PCK2: variants seen among roughly 807,000 people sequenced by gnomAD.
PCK2 encodes the protein phosphoenolpyruvate carboxykinase [GTP], mitochondrial.
Under a neutral mutation model 65.9 loss-of-function variants are expected in PCK2, and 56 were observed. The observed-to-expected ratio is 0.85, with a 90% CI of 0.69 to 1.06. The LOEUF (loss-of-function observed/expected upper bound fraction) is 1.06, where lower values mean the gene tolerates loss of function less well. Ranked by LOEUF, PCK2 falls within the 50% of genes least tolerant of loss-of-function variation. PCK2 has a pLI of 0.00. For missense variants in PCK2, 843 were observed against 863.1 expected, an observed-to-expected ratio of 0.98 and a Z score of 0.29; for synonymous variants, 305 against 319.6, an observed-to-expected ratio of 0.95 and a Z score of 0.49.
chr14:24,102,184 C>A (rs1336243231), intron 7 of PCK2, among the ~76,000 whole-genome samples: 1 of 152,150 alleles, frequency 6.6e-6, no homozygotes, highest in African/African-American at 2.4e-5. Flanking sequence ...GCCAAGATTG[C>A]ACCACTGCAC....
At position 24,099,071 on chromosome 14, in the gene PCK2, G is replaced by A. The variant is rs115420219; in HGVS notation, c.687G>A (p.Pro229=). ...TGQGEPVSQW[P]CNPEKTLIGH... ...CAGGGGAGCCAGTGAGCCAGTGGCC[G>A]TGCAACCCAGAGAAAACCCTGATTG... Residue 229 remains proline, a synonymous_variant, in exon 5 of 10, where the codon CCG becomes CCA. Transcript: ENST00000216780. The A allele has an allele frequency of 8.7e-6, 14 of 1,605,770 alleles. No individual in the cohort carries two copies. The highest frequency in any genetic ancestry group is 3.3e-5 in the South Asian group (3 of 90,952).
intron 8 of PCK2, 64 bp from the exon 9 acceptor site, chr14:24,103,096 A>T: frequency 7.3e-7 from 1 of 1,361,448 alleles, no homozygotes. Context: ...CAAGCTCACC[A>T]GAAGGGCTGG....
chr14:24,103,957 A>G lies in PCK2; in HGVS notation c.1916A>G (p.Lys639Arg), dbSNP rs758763224. 6.8e-6 allele frequency: 11 copies of G among 1,612,632 alleles called. No homozygotes were observed. Among genetic ancestry groups the G allele is most frequent in the Non-Finnish European group, 9.3e-6 (11 of 1,178,880 alleles). Reference sequence around the variant, plus strand: ...GAGGCCCTGGAGAGACGTGTGCACAAAATGTGACCTGAGGCCCTAGTCTAG... The same window carrying G: ...GAGGCCCTGGAGAGACGTGTGCACAGAATGTGACCTGAGGCCCTAGTCTAG... ...ELEALERRVH[K>R]M Residue 639 changes from lysine (K) to arginine (R), a missense_variant, in exon 10 of 10, where the codon AAA becomes AGA. By Grantham distance (26) the Lys-to-Arg change is conservative. Coordinates refer to ENST00000216780, the MANE Select transcript of PCK2 (RefSeq NM_004563.4).
Position 24,099,449 on chromosome 14 carries a change from G to A in PCK2, c.853-109G>A, listed in dbSNP as rs1427395851. Reference sequence around the variant, plus strand: ...TGATGGCAGGGCAATCACTTATATAGTTAATAAACATTGGTCCTCCCTATT... The same window carrying A: ...TGATGGCAGGGCAATCACTTATATAATTAATAAACATTGGTCCTCCCTATT... On this transcript the variant is annotated intron_variant, in intron 5 of 9. Transcript: ENST00000216780. The A allele has an allele frequency of 8.8e-6, 10 of 1,133,652 alleles. No individual in the cohort carries two copies. The South Asian group carries it at 1.1e-4, about 12-fold the overall frequency. The allele number at this position is 1,133,652 out of a possible 1,614,324, so 70.2% of individuals were successfully genotyped here.
At position 24,099,605 on chromosome 14, in the gene PCK2, C is replaced by T. The variant is rs764808367; in HGVS notation, c.900C>T (p.Ala300=). Residue 300 remains alanine, a synonymous_variant, in exon 6 of 10, where the codon GCC becomes GCT. Transcript: ENST00000216780. ...CAGGGAAGAAGCGCTATGTGGCAGC[C>T]GCCTTCCCTAGTGCCTGTGGCAAGA... ...SPAGKKRYVA[A]AFPSACGKTN... The T allele has an allele frequency of 1.2e-5, 20 of 1,612,692 alleles. No individual in the cohort carries two copies. In the East Asian group the frequency reaches 2.2e-4, roughly 18 times the overall value.
In PCK2 at chr14:24,100,053, T is replaced by G; in HGVS notation, c.1074T>G (p.Ser358=). 3.1e-6 allele frequency: 5 copies of G among 1,613,680 alleles called. No homozygotes were observed. Among genetic ancestry groups the G allele is most frequent in the South Asian group, 1.1e-5 (1 of 91,006 alleles). ...TCTTTGGGGTTGCCCCTGGTACCTC[T>G]GCCACCACCAATCCCAACGCCATGG... ...NGFFGVAPGT[S]ATTNPNAMAT... The change falls in exon 7 of 10, where the codon TCT becomes TCG. Residue 358 remains serine (S), a synonymous_variant. Coordinates refer to ENST00000216780, the MANE Select transcript of PCK2 (RefSeq NM_004563.4).
Position 24,094,477 on chromosome 14 carries a change from C to A in PCK2, c.29+43C>A. The A allele has an allele frequency of 6.7e-7, 1 of 1,494,820 alleles. No individual in the cohort carries two copies. The highest frequency in any genetic ancestry group is 8.9e-7 in the Non-Finnish European group (1 of 1,129,440). 92.6% of individuals were successfully genotyped at this position (1,494,820 alleles called of 1,614,324 possible). A position where few individuals can be genotyped will look rare whatever the true frequency, so the allele number is the denominator to read the frequency against. On this transcript the variant is annotated intron_variant, in intron 1 of 9. Transcript: ENST00000216780. The surrounding 1 kb of genome is among the most constrained non-coding windows in gnomAD (Gnocchi z 4.1). ...CGGGGCCCACCCGCACCTTCCGCTGCGCTCGCCCCCTCGGGGCTGCCAGTG... is the reference window on the plus strand; with the variant it reads ...CGGGGCCCACCCGCACCTTCCGCTGAGCTCGCCCCCTCGGGGCTGCCAGTG...
At chr14:24,102,642 C>G in intron 7 of PCK2, 111 bp from the exon 8 acceptor site, 1 of 882,542 alleles carries the variant, frequency 1.1e-6, no homozygotes, top group Non-Finnish European at 1.8e-6. Flanking sequence ...TTCTAGGCAG[C>G]TGATGAGGCA....
chr14:24,099,578 T>C lies in PCK2; in HGVS notation c.873T>C (p.Pro291=). The C allele has an allele frequency of 6.2e-7, 1 of 1,603,246 alleles. No individual in the cohort carries two copies. The highest frequency in any genetic ancestry group is 8.5e-7 in the Non-Finnish European group (1 of 1,174,240). The change falls in exon 6 of 10, where the codon CCT becomes CCC. Residue 291 remains proline (P), a synonymous_variant. Transcript: ENST00000216780. ...EHMLILGITS[P]AGKKRYVAAA... is the part of the protein sequence containing the mutation. ...CACAGATCCTGGGCATCACCAGCCC[T>C]GCAGGGAAGAAGCGCTATGTGGCAG...
Position 24,094,371 on chromosome 14 carries a change from G to C in PCK2, c.-35G>C, listed in dbSNP as rs1241849172. The C allele has an allele frequency of 6.5e-7, 1 of 1,538,544 alleles. No homozygotes were observed. The highest frequency in any genetic ancestry group is 8.7e-7 in the Non-Finnish European group (1 of 1,144,276). ...TTCCATACCTCCCCGGCTCCGCTCG[G>C]TTCCTGGCCACCCCGCAGCCCCTGC... is the stretch of plus-strand genomic sequence containing the variant. On this transcript the variant is annotated 5_prime_UTR_variant, in exon 1 of 10. Coordinates refer to ENST00000216780, the MANE Select transcript of PCK2 (RefSeq NM_004563.4). This position sits in a 1 kb window ranked among gnomAD's most constrained non-coding sequence, Gnocchi z 4.1.
chr14:24,097,217 A>G, intron 2 of PCK2, 80 bp downstream of exon 2: 1 of 1,293,846 alleles, frequency 7.7e-7, no homozygotes, highest in Non-Finnish European at 1.1e-6. Context: ...CAACTTAACT[A>G]GAACATCCCA....
In PCK2 at chr14:24,099,731, C is replaced by T; in HGVS notation, c.1015+11C>T. On this transcript the variant is annotated intron_variant, in intron 6 of 9. Transcript: ENST00000216780. ...GGTTTGACAGTGAAGGTGAGGGACT[C>T]TCAGATCATACTCTTGGTTCTGGCT... 2 of 1,610,752 alleles carry T rather than the reference C, an allele frequency of 1.2e-6. No individual in the cohort carries two copies. The highest frequency in any genetic ancestry group is 1.7e-6 in the Non-Finnish European group (2 of 1,176,882).
In PCK2 at chr14:24,094,486, C is replaced by T; in HGVS notation, c.29+52C>T. ...CCCGCACCTTCCGCTGCGCTCGCCC[C>T]CTCGGGGCTGCCAGTGGCGCTCTCC... On this transcript the variant is annotated intron_variant, in intron 1 of 9. Transcript: ENST00000216780. This position sits in a 1 kb window ranked among gnomAD's most constrained non-coding sequence, Gnocchi z 4.1. 3 of 1,485,338 alleles carry T rather than the reference C, an allele frequency of 2.0e-6. No homozygotes were observed. Among genetic ancestry groups the T allele is most frequent in the Non-Finnish European group, 2.7e-6 (3 of 1,125,042 alleles). 92.0% of individuals were successfully genotyped at this position (1,485,338 alleles called of 1,614,324 possible). A position where few individuals can be genotyped will look rare whatever the true frequency, so the allele number is the denominator to read the frequency against.
chr14:24,102,731 G>A (rs747563941), intron 7 of PCK2, 22 bp from the exon 8 acceptor site: 44 of 1,605,140 alleles, frequency 2.7e-5, no homozygotes, highest in Non-Finnish European at 3.8e-5. Flanking sequence ...GGAAATAATA[G>A]TGTTTGTATT....
At position 24,103,571 on chromosome 14, in the gene PCK2, C is replaced by G. The variant is rs113162916; in HGVS notation, c.1530C>G (p.His510Gln). 24 of 1,589,638 alleles carry G rather than the reference C, an allele frequency of 1.5e-5. No individual in the cohort carries two copies. In the African/African-American group the frequency reaches 1.9e-4, roughly 12 times the overall value. The change falls in exon 10 of 10, where the codon CAC becomes CAG. Residue 510 changes from histidine to glutamine, a missense_variant. Transcript: ENST00000216780. ...CCTTTTTTGGCTACAACTTCGGGCA[C>G]TACCTGGAACACTGGCTGAGCATGG... is the stretch of plus-strand genomic sequence containing the variant. Reference protein sequence around the residue: ...MRPFFGYNFGHYLEHWLSMEG... With the variant: ...MRPFFGYNFGQYLEHWLSMEG...
At chr14:24,097,389 GAA>G (rs529973280) in intron 2 of PCK2, among the ~76,000 whole-genome samples, 10 of 118,654 alleles carry the variant, frequency 8.4e-5, no homozygotes, top group Non-Finnish European at 1.1e-4. Context: ...CGTCTCTACT[GAA>G]AAAAAAAAAA....
intron 2 of PCK2, 122 bp from the exon 3 acceptor site, chr14:24,098,081 A>C: frequency 1.3e-6 from 1 of 765,264 alleles, no homozygotes; most frequent in Non-Finnish European, 2.1e-6. Flanking sequence ...CTGAGATGTG[A>C]TTGGGTGGGG....
chr14:24,103,011 G>C, intron 8 of PCK2, 121 bp downstream of exon 8: 1 of 1,280,992 alleles, frequency 7.8e-7, no homozygotes, highest in Non-Finnish European at 1.1e-6. Context: ...GTTCTCCCCT[G>C]GTGAATGCAA....
chr14:24,099,837 C>T (rs1226424184), intron 6 of PCK2, 117 bp downstream of exon 6: 1 of 1,511,400 alleles, frequency 6.6e-7, no homozygotes, highest in South Asian at 1.1e-5. Context: ...CCCAACCCTG[C>T]TCCATTCCTC....
Sources: allele counts gnomAD v4.1 joint callset (sites outside exome capture counted in the v4.1 genomes callset), GRCh38; gene constraint gnomAD v4.1.1; non-coding constraint Gnocchi (gnomAD v3.1); transcripts MANE v1.5; gene names NCBI Gene and HGNC (gene_info 2026-07-23, HGNC 2026-07-21).